RAD51B: variants seen among roughly 807,000 people sequenced by gnomAD.
RAD51B encodes the protein DNA repair protein RAD51 homolog 2.
In RAD51B, 38 loss-of-function variants were observed where a neutral mutation model predicts 42.2. That is an observed-to-expected ratio of 0.90 (90% CI 0.70 to 1.18). The LOEUF is 1.18. Among genes scored for constraint, RAD51B ranks in the 50% most tolerant of loss-of-function variants. The probability of loss-of-function intolerance (pLI) is 0.00; values close to 1 mark genes in which losing one functional copy is unlikely to be tolerated. For missense variants in RAD51B, 373 were observed against 400.7 expected (o/e 0.93, Z 0.59); for synonymous variants, 154 against 145.2 (o/e 1.06, Z -0.43).
chr14:68,076,356 A>C (rs1168695208), intron 7 of RAD51B, among the ~76,000 whole-genome samples: 2 of 152,204 alleles, frequency 1.3e-5, no homozygotes, highest in African/African-American at 2.4e-5. Flanking sequence ...TACCTTATCA[A>C]GTTAATTTTT....
chr14:68,001,562 G>T (rs1227951315), intron 7 of RAD51B, among the ~76,000 whole-genome samples: 1 of 152,112 alleles, frequency 6.6e-6, no homozygotes, highest in Non-Finnish European at 1.5e-5. Context: ...TTTAAGCTCA[G>T]GGGTGCATGT....
intron 10 of RAD51B, among the ~76,000 whole-genome samples, chr14:68,608,372 G>T (rs778786141): frequency 3.3e-5 from 5 of 152,136 alleles, no homozygotes; most frequent in Non-Finnish European, 5.9e-5. Context: ...CCACCACCCC[G>T]AGTCCTTCCC....
At chr14:68,507,165 C>CATAT (rs1297990862) in intron 10 of RAD51B, among the ~76,000 whole-genome samples, 7 of 152,120 alleles carry the variant, frequency 4.6e-5, no homozygotes, top group Non-Finnish European at 8.8e-5. Flanking sequence ...TAATTCCACT[C>CATAT]ATATATGTTC....
intron 5 of RAD51B, among the ~76,000 whole-genome samples, chr14:67,879,605 G>T (rs2042841993): frequency 6.6e-6 from 1 of 151,972 alleles, no homozygotes; most frequent in Non-Finnish European, 1.5e-5. Context: ...ACTGCACCTG[G>T]ACTTTACATG....
At chr14:68,144,617 A>C (rs561695087) in intron 7 of RAD51B, among the ~76,000 whole-genome samples, 33 of 152,300 alleles carry the variant, frequency 2.2e-4, no homozygotes, top group Middle Eastern at 3.4e-3. Context: ...AACTTCGTTA[A>C]CTATCTTGCC....
At chr14:68,313,175 C>T (rs567313508) in intron 8 of RAD51B, among the ~76,000 whole-genome samples, 1 of 152,296 alleles carries the variant, frequency 6.6e-6, no homozygotes, top group Non-Finnish European at 1.5e-5. Flanking sequence ...ATAATATTCT[C>T]TATGGGAACT....
intron 7 of RAD51B, among the ~76,000 whole-genome samples, chr14:67,949,452 T>A (rs534062882): frequency 1.1e-4 from 17 of 152,338 alleles, no homozygotes; most frequent in Non-Finnish European, 1.9e-4. Flanking sequence ...TTGTAACAAT[T>A]CAGTCACATC....
chr14:67,879,426 A>G (rs1416063186), intron 5 of RAD51B, among the ~76,000 whole-genome samples: 2 of 152,102 alleles, frequency 1.3e-5, no homozygotes. Context: ...ACTGACTGTC[A>G]TATATTTTTT....
intron 10 of RAD51B, among the ~76,000 whole-genome samples, chr14:68,570,381 T>C: frequency 6.6e-6 from 1 of 152,200 alleles, no homozygotes. Flanking sequence ...CAAACAAGGC[T>C]ATGAGAAACC....
At chr14:68,600,433 T>A (rs79819493), downstream of RAD51B, among the ~76,000 whole-genome samples, 1 of 152,284 alleles carries the variant, frequency 6.6e-6, no homozygotes, top group African/African-American at 2.4e-5. Context: ...GAGTGTGTAC[T>A]GCTTAACTGA....
At chr14:68,093,161 CT>C (rs1410051465) in intron 7 of RAD51B, among the ~76,000 whole-genome samples, 1 of 150,848 alleles carries the variant, frequency 6.6e-6, no homozygotes, top group African/African-American at 2.4e-5. Flanking sequence ...CTAAAATTCT[CT>C]TTTTTTGTTG....
At chr14:68,023,891 T>C (rs1001567285) in intron 7 of RAD51B, among the ~76,000 whole-genome samples, 1 of 152,180 alleles carries the variant, frequency 6.6e-6, no homozygotes, top group Non-Finnish European at 1.5e-5. Flanking sequence ...TTGCATTTGC[T>C]TTTGGGGGCT....
At chr14:68,654,948 CT>C (rs1186486109) in intron 11 of RAD51B, among the ~76,000 whole-genome samples, 2 of 152,126 alleles carry the variant, frequency 1.3e-5, no homozygotes, top group African/African-American at 2.4e-5. Context: ...CCCTCCCCCC[CT>C]GCCTTCCCAG....
At chr14:67,965,801 A>ACGT (rs1260683906) in intron 7 of RAD51B, among the ~76,000 whole-genome samples, 1 of 152,046 alleles carries the variant, frequency 6.6e-6, no homozygotes, top group Non-Finnish European at 1.5e-5. Flanking sequence ...TCTTGCTTGT[A>ACGT]TAGAGGAACT....
intron 7 of RAD51B, among the ~76,000 whole-genome samples, chr14:67,898,662 C>T (rs2043504572): frequency 6.6e-6 from 1 of 152,184 alleles, no homozygotes; most frequent in Admixed American, 6.5e-5. Flanking sequence ...GATGGTTTCA[C>T]AGTGTACATT....
chr14:67,897,286 A>G (rs141920942), intron 7 of RAD51B, among the ~76,000 whole-genome samples: 1 of 152,300 alleles, frequency 6.6e-6, no homozygotes, highest in Non-Finnish European at 1.5e-5. Flanking sequence ...AGCAAAGGAA[A>G]TAAGAAAAGG....
chr14:68,053,216 G>T (rs545165370), intron 7 of RAD51B, among the ~76,000 whole-genome samples: 2 of 152,228 alleles, frequency 1.3e-5, no homozygotes, highest in East Asian at 1.9e-4. Context: ...GACATTTAGG[G>T]TATAGTTTTG....
chr14:68,016,174 T>G (rs548991879), intron 7 of RAD51B, among the ~76,000 whole-genome samples: 1 of 152,312 alleles, frequency 6.6e-6, no homozygotes, highest in African/African-American at 2.4e-5. Context: ...TATGCCTCTA[T>G]TTTTTAAGGG....
intron 4 of RAD51B, among the ~76,000 whole-genome samples, chr14:67,858,520 T>A (rs2139969019): frequency 6.6e-6 from 1 of 152,250 alleles, no homozygotes; most frequent in African/African-American, 2.4e-5. Context: ...TGCATGCTGA[T>A]TGGTTTGCAA....
Sources: gnomAD v4.1 joint callset for allele counts (sites outside exome capture counted in the v4.1 genomes callset) on GRCh38, gnomAD v4.1.1 for gene constraint, MANE v1.5 for transcripts, NCBI Gene and HGNC (gene_info 2026-07-23, HGNC 2026-07-21) for gene names.